SLIT3: variants seen among roughly 807,000 people sequenced by gnomAD.
The protein encoded by SLIT3 is slit homolog 3 protein.
SLIT3 carries 68 observed loss-of-function variants against 184.0 expected under a neutral mutation model. That is an observed-to-expected ratio of 0.37 (90% CI 0.30 to 0.45). SLIT3 has a LOEUF of 0.45. Ranked by LOEUF, SLIT3 falls within the 20% of genes least tolerant of loss-of-function variation. SLIT3 has a pLI of 1.00. For synonymous variants in SLIT3, 831 were observed against 828.6 expected (o/e 1.00, Z -0.05); for missense variants, 1,707 against 2,026.0 (o/e 0.84, Z 3.02).
intron 9 of SLIT3, among the ~76,000 whole-genome samples, chr5:168,803,873 A>C (rs1197825288): frequency 6.6e-6 from 1 of 152,108 alleles, no homozygotes; most frequent in African/African-American, 2.4e-5. Flanking sequence ...CCAGAGGCTC[A>C]CTGTGGCTGG....
chr5:168,713,859 G>A (rs942952973), intron 23 of SLIT3, among the ~76,000 whole-genome samples: 2 of 152,210 alleles, frequency 1.3e-5, no homozygotes, highest in Admixed American at 6.5e-5. Flanking sequence ...CTGCATTTCT[G>A]ACAAACTCTG....
At chr5:169,276,839 T>C (rs1015261836) in intron 1 of SLIT3, among the ~76,000 whole-genome samples, 1 of 152,236 alleles carries the variant, frequency 6.6e-6, no homozygotes, top group African/African-American at 2.4e-5. Context: ...AGAATTTCTA[T>C]AATTTTCCTC....
At chr5:169,187,111 G>GT (rs761501769) in intron 4 of SLIT3, among the ~76,000 whole-genome samples, 18,151 of 93,502 alleles carry the variant, frequency 0.19, 3,453 homozygotes, top group African/African-American at 0.4. Flanking sequence ...GCAGCTATAG[G>GT]TTTTTTTTTT....
chr5:168,890,204 A>G (rs1760397060), intron 4 of SLIT3, among the ~76,000 whole-genome samples: 1 of 152,010 alleles, frequency 6.6e-6, no homozygotes. Context: ...TATCCAGAAG[A>G]AAGCTTGTCT....
chr5:168,872,640 C>CTTTTTTTTTTTTTTTTT (rs774066150), intron 5 of SLIT3, among the ~76,000 whole-genome samples: 3 of 112,430 alleles, frequency 2.7e-5, no homozygotes, highest in African/African-American at 3.5e-5. Context: ...TCTTCTTCTT[C>CTTTTTTTTTTTTTTTTT]TTTTTTTTTT....
chr5:168,840,896 G>A (rs1461313945), intron 6 of SLIT3, among the ~76,000 whole-genome samples: 1 of 152,304 alleles, frequency 6.6e-6, no homozygotes, highest in South Asian at 2.1e-4. Context: ...TCTCTGGGGC[G>A]ACAAGTGTAT....
At chr5:168,808,948 C>T (rs1020963970) in intron 8 of SLIT3, among the ~76,000 whole-genome samples, 4 of 152,192 alleles carry the variant, frequency 2.6e-5, no homozygotes, top group Non-Finnish European at 4.4e-5. Flanking sequence ...ACACTTGGGA[C>T]ACCTTCCTGT....
At chr5:168,900,635 A>T (rs1282797992) in intron 4 of SLIT3, among the ~76,000 whole-genome samples, 1 of 143,970 alleles carries the variant, frequency 6.9e-6, no homozygotes, top group Non-Finnish European at 1.6e-5. Context: ...AAAACAAAAC[A>T]AAACAAAACA....
At chr5:168,840,222 G>C (rs62378536) in intron 6 of SLIT3, among the ~76,000 whole-genome samples, 1,983 of 152,300 alleles carry the variant, frequency 0.013, 21 homozygotes, top group South Asian at 0.022. Flanking sequence ...CAGGAGATGA[G>C]AGCATTTTCA....
chr5:169,054,921 C>T (rs987078497), intron 4 of SLIT3, among the ~76,000 whole-genome samples: 1 of 152,096 alleles, frequency 6.6e-6, no homozygotes, highest in Non-Finnish European at 1.5e-5. Context: ...TCTGGTTCTT[C>T]CCACATTGAA....
chr5:169,152,905 G>A (rs1263211378), intron 4 of SLIT3, among the ~76,000 whole-genome samples: 2 of 152,116 alleles, frequency 1.3e-5, no homozygotes, highest in African/African-American at 2.4e-5. Flanking sequence ...CAGCCAAAGG[G>A]GGCTTCCCCC....
At chr5:169,225,391 C>CCT (rs988115099) in intron 3 of SLIT3, among the ~76,000 whole-genome samples, 119 of 152,342 alleles carry the variant, frequency 7.8e-4, no homozygotes, top group African/African-American at 2.7e-3. Context: ...TCTGGCTGCC[C>CCT]CTCTCTCAGT....
intron 4 of SLIT3, among the ~76,000 whole-genome samples, chr5:169,039,913 C>G (rs933686123): frequency 2.6e-5 from 4 of 152,198 alleles, no homozygotes; most frequent in Admixed American, 6.5e-5. Context: ...CTTCACTATC[C>G]CTTTTAACAA....
chr5:168,688,987 T>C (rs1761828708), intron 29 of SLIT3, among the ~76,000 whole-genome samples: 1 of 152,262 alleles, frequency 6.6e-6, no homozygotes, highest in Non-Finnish European at 1.5e-5. Flanking sequence ...AGGGAAGCTA[T>C]TCTCACTCTC....
rs1760901202 is a variant in SLIT3, at chr5:168,662,529, CTT to C, written c.*3923_*3924del. ...CTTCTCATCTTTTTGAAGCATCAGA[CTT>C]GAGTTCCTTGCTATGAGATTGAAAA... is the stretch of plus-strand genomic sequence containing the variant. On this transcript the variant is annotated 3_prime_UTR_variant, in exon 36 of 36. Transcript: ENST00000519560. The C allele has an allele frequency of 6.6e-6, 1 of 152,104 alleles. No individual in the cohort carries two copies. The highest frequency in any genetic ancestry group is 1.5e-5 in the Non-Finnish European group (1 of 68,026). The allele number at this position is 152,104 out of a possible 1,614,324, so 9.4% of individuals were successfully genotyped here.
intron 4 of SLIT3, among the ~76,000 whole-genome samples, chr5:168,902,173 A>C (rs897032999): frequency 6.6e-6 from 1 of 152,166 alleles, no homozygotes; most frequent in Non-Finnish European, 1.5e-5. Context: ...TACAGGCATG[A>C]GCCACTGTGC....
At chr5:168,882,861 G>C (rs116299445) in intron 5 of SLIT3, among the ~76,000 whole-genome samples, 412 of 152,214 alleles carry the variant, frequency 2.7e-3, no homozygotes, top group African/African-American at 9.6e-3. Context: ...GGTTCCAATT[G>C]ATTGACCACG....
intron 3 of SLIT3, among the ~76,000 whole-genome samples, chr5:169,206,114 T>A (rs1484518654): frequency 1.3e-5 from 2 of 152,200 alleles, no homozygotes; most frequent in Admixed American, 1.3e-4. Flanking sequence ...TGCCTGGGAA[T>A]AAATATGGCA....
In SLIT3 at chr5:168,724,439, G is replaced by A. The variant is rs148486367; in HGVS notation, c.2316C>T (p.Ser772=). The A allele has an allele frequency of 4.8e-5, 77 of 1,612,846 alleles. 1 individual carries two copies. Among genetic ancestry groups the A allele is most frequent in the South Asian group, 4.7e-4 (43 of 90,976 alleles). Residue 772 remains serine, a synonymous_variant, in exon 21 of 36, where the codon TCC becomes TCT. Coordinates refer to ENST00000519560, the MANE Select transcript of SLIT3 (RefSeq NM_003062.4). ...ACATAAGCGTCAGGTGTCGGAGGGC[G>A]GACAGCTCTCTGGGCACGGCTGTTA... ...NHLTAVPREL[S]ALRHLTLIDL... is the part of the protein sequence containing the mutation.
Sources: gnomAD v4.1 joint callset for allele counts (sites outside exome capture counted in the v4.1 genomes callset) on GRCh38, gnomAD v4.1.1 for gene constraint, MANE v1.5 for transcripts, NCBI Gene and HGNC (gene_info 2026-07-23, HGNC 2026-07-21) for gene names.